The following PARD3 variants were observed in gnomAD, a reference collection of about 807,000 sequenced individuals.
PARD3 encodes par-3 family cell polarity regulator, also known as partitioning defective 3 homolog.
Under a neutral mutation model 155.4 loss-of-function variants are expected in PARD3, and 75 were observed. That is an observed-to-expected ratio of 0.48 (90% CI 0.40 to 0.58). The LOEUF is 0.58. PARD3 is among the 20% of genes least tolerant of loss of function. The probability of loss-of-function intolerance (pLI) is 0.00; values close to 1 mark genes in which losing one functional copy is unlikely to be tolerated. For missense variants in PARD3, 1,642 were observed against 1,721.7 expected, an observed-to-expected ratio of 0.95 and a Z score of 0.82; for synonymous variants, 576 against 610.5, an observed-to-expected ratio of 0.94 and a Z score of 0.83.
At chr10:34,726,205 C>A (rs1283497065) in intron 1 of PARD3, among the ~76,000 whole-genome samples, 4 of 152,220 alleles carry the variant, frequency 2.6e-5, no homozygotes, top group Non-Finnish European at 5.9e-5. Context: ...CCTGTAACCC[C>A]AGCACTTTGG....
At chr10:34,384,736 G>A (rs770692698) in intron 7 of PARD3, among the ~76,000 whole-genome samples, 5 of 152,172 alleles carry the variant, frequency 3.3e-5, no homozygotes, top group Non-Finnish European at 4.4e-5. Context: ...AATGATAATA[G>A]GAAAGATTTC....
intron 3 of PARD3, among the ~76,000 whole-genome samples, chr10:34,472,399 T>A (rs1166644429): frequency 6.6e-6 from 1 of 152,180 alleles, no homozygotes; most frequent in East Asian, 1.9e-4. Flanking sequence ...TGATATGCAT[T>A]AATATTACAA....
chr10:34,491,527 C>T (rs1387420865), intron 3 of PARD3, among the ~76,000 whole-genome samples: 1 of 152,204 alleles, frequency 6.6e-6, no homozygotes, highest in Non-Finnish European at 1.5e-5. Flanking sequence ...AACACATGCA[C>T]ATGACTCCCC....
chr10:34,552,081 G>C (rs1322846660), intron 2 of PARD3, among the ~76,000 whole-genome samples: 1 of 152,094 alleles, frequency 6.6e-6, no homozygotes, highest in Non-Finnish European at 1.5e-5. Context: ...TTCCCACTCA[G>C]TGCTTCAAAA....
chr10:34,657,634 G>T (rs908665707), intron 2 of PARD3, among the ~76,000 whole-genome samples: 7 of 152,128 alleles, frequency 4.6e-5, no homozygotes, highest in African/African-American at 1.2e-4. Flanking sequence ...CGCCTCCTGG[G>T]TTCAAGTGAT....
chr10:34,265,704 T>C (rs1196367232), intron 22 of PARD3, among the ~76,000 whole-genome samples: 2 of 152,190 alleles, frequency 1.3e-5, no homozygotes. Context: ...ATAAGCATAT[T>C]CTAGATCTTC....
intron 20 of PARD3, among the ~76,000 whole-genome samples, chr10:34,298,337 T>C (rs1476889040): frequency 6.6e-6 from 1 of 152,150 alleles, no homozygotes. Context: ...GCAGCCTTAT[T>C]ACAACCGCTA....
At chr10:34,692,232 C>CA (rs112974802) in intron 2 of PARD3, among the ~76,000 whole-genome samples, 5 of 132,682 alleles carry the variant, frequency 3.8e-5, no homozygotes, top group Non-Finnish European at 8.3e-5. Context: ...GACTTCATTT[C>CA]AAAAAAAAAA....
At chr10:34,548,354 C>CCAGG (rs2084272944) in intron 2 of PARD3, among the ~76,000 whole-genome samples, 1 of 151,914 alleles carries the variant, frequency 6.6e-6, no homozygotes, top group African/African-American at 2.4e-5. Context: ...CAAAAAAAAG[C>CCAGG]CAGGCATGGT....
Position 34,284,122 on chromosome 10 carries a change from A to T in PARD3, c.3176+13T>A. ...TCTTTCTAAGGAGGTTTAATCAAGT[A>T]ACTGAAGTCTACCTCTCCTGCTCCT... On this transcript the variant is annotated intron_variant, in intron 21 of 24. Transcript: ENST00000374788. 1 of 1,435,022 alleles carries T rather than the reference A, an allele frequency of 7.0e-7. No individual in the cohort carries two copies. The highest frequency in any genetic ancestry group is 9.7e-7 in the Non-Finnish European group (1 of 1,030,108). The allele number at this position is 1,435,022 out of a possible 1,614,324, so 88.9% of individuals were successfully genotyped here.
At chr10:34,410,196 A>T (rs1844906753) in intron 5 of PARD3, among the ~76,000 whole-genome samples, 1 of 152,206 alleles carries the variant, frequency 6.6e-6, no homozygotes, top group African/African-American at 2.4e-5. Context: ...ATGGCACAAA[A>T]GTTCAGTTAG....
At chr10:34,698,292 C>A (rs1590706581) in intron 1 of PARD3, among the ~76,000 whole-genome samples, 1 of 152,290 alleles carries the variant, frequency 6.6e-6, no homozygotes, top group African/African-American at 2.4e-5. Flanking sequence ...TATGGACTTT[C>A]TCAACCTCAT....
At chr10:34,151,937 T>C (rs1047903012) in intron 22 of PARD3, among the ~76,000 whole-genome samples, 2 of 152,154 alleles carry the variant, frequency 1.3e-5, no homozygotes, top group African/African-American at 2.4e-5. Context: ...CTCAAGATTC[T>C]ATAAAATATA....
chr10:34,277,062 C>T (rs888950551), intron 21 of PARD3, among the ~76,000 whole-genome samples: 3 of 152,092 alleles, frequency 2.0e-5, no homozygotes, highest in African/African-American at 4.8e-5. Flanking sequence ...AAACATTTTA[C>T]CCCCAACTTA....
Position 34,814,729 on chromosome 10 carries a change from GC to G in PARD3, c.120+146del, listed in dbSNP as rs1476161609. 4.6e-6 allele frequency: 3 copies of G among 648,084 alleles called. No homozygotes were observed. The African/African-American group carries it at 5.9e-5, about 13-fold the overall frequency. The allele number at this position is 648,084 out of a possible 1,614,324, so 40.1% of individuals were successfully genotyped here. On this transcript the variant is annotated intron_variant, in intron 1 of 24. Coordinates refer to ENST00000374788, the MANE Select transcript of PARD3 (RefSeq NM_001184785.2). ...AGAACTTTGGCGCCCGCAGTCCGGG[GC>G]GGGGGGCGCCCGCGAGGCCCGACCG...
chr10:34,534,576 T>A (rs2083088980), intron 2 of PARD3, among the ~76,000 whole-genome samples: 1 of 152,142 alleles, frequency 6.6e-6, no homozygotes, highest in African/African-American at 2.4e-5. Flanking sequence ...TGCCATAAAC[T>A]TCTGAGGTCA....
chr10:34,261,733 GAAGAAAGGAAGA>G (rs1311346309), intron 22 of PARD3, among the ~76,000 whole-genome samples: 8 of 105,184 alleles, frequency 7.6e-5, no homozygotes, highest in African/African-American at 4.5e-4. Context: ...AGAAAGGAAG[GAAGAAAGGAAGA>G]AAGGAAGGAA....
chr10:34,432,016 TG>T (rs1410538527), intron 5 of PARD3, among the ~76,000 whole-genome samples: 3 of 102,300 alleles, frequency 2.9e-5, no homozygotes, highest in Non-Finnish European at 5.2e-5. Flanking sequence ...CACTCTAGCC[TG>T]GGCTACAGAG....
At chr10:34,436,616 T>C (rs773961) in intron 5 of PARD3, among the ~76,000 whole-genome samples, 89,443 of 152,022 alleles carry the variant, frequency 0.59, 27,185 homozygotes, top group Middle Eastern at 0.68. Flanking sequence ...CATACTTCTG[T>C]GAGAAACTCA....
Sources: gnomAD v4.1 joint callset for allele counts (sites outside exome capture counted in the v4.1 genomes callset) on GRCh38, gnomAD v4.1.1 for gene constraint, MANE v1.5 for transcripts, NCBI Gene and HGNC (gene_info 2026-07-23, HGNC 2026-07-21) for gene names.